The following RFPL2 variants were observed in gnomAD, a reference collection of about 807,000 sequenced individuals.
RFPL2 encodes ret finger protein like 2.
Under a neutral mutation model 17.8 loss-of-function variants are expected in RFPL2, and 13 were observed. That is an observed-to-expected ratio of 0.73 (90% CI 0.47 to 1.16). The LOEUF (loss-of-function observed/expected upper bound fraction) is 1.16. Ranked by LOEUF, RFPL2 falls within the 50% of genes most tolerant of loss-of-function variation. The pLI is 0.00. For missense variants in RFPL2, 431 were observed against 479.3 expected, an observed-to-expected ratio of 0.90 and a Z score of 0.94; for synonymous variants, 189 against 180.9, an observed-to-expected ratio of 1.04 and a Z score of -0.36.
intron 2 of RFPL2, among the ~76,000 whole-genome samples, chr22:32,200,467 G>A (rs1174589537): frequency 6.6e-6 from 1 of 152,138 alleles, no homozygotes; most frequent in Non-Finnish European, 1.5e-5. Flanking sequence ...GGCACCCAGT[G>A]GGATAGTAGC....
At chr22:32,201,372 A>G (rs139372919) in intron 2 of RFPL2, among the ~76,000 whole-genome samples, 24 of 152,268 alleles carry the variant, frequency 1.6e-4, no homozygotes, top group African/African-American at 5.3e-4. Flanking sequence ...TATGCAAAGC[A>G]TTTGGTCAAG....
chr22:32,196,579 A>C (rs577459646), intron 2 of RFPL2, among the ~76,000 whole-genome samples: 22 of 152,344 alleles, frequency 1.4e-4, no homozygotes, highest in African/African-American at 5.3e-4. Flanking sequence ...CCACATCCAC[A>C]TGTAAAGACA....
chr22:32,191,312 G>C lies in RFPL2; in HGVS notation c.597C>G (p.Leu199=). Residue 199 remains leucine, a synonymous_variant, in exon 5 of 5, where the codon CTC becomes CTG. Coordinates refer to ENST00000652607, the MANE Select transcript of RFPL2 (RefSeq NM_001394555.1). ...TLDANTANNF[L]LISDDLRSVR... ...CGCTCCTGAGGTCGTCAGAAATGAG[G>C]AGGAAGTTGTTGGCTGTGTTGGCAT... The C allele has an allele frequency of 6.2e-7, 1 of 1,613,796 alleles. No homozygotes were observed. Among genetic ancestry groups the C allele is most frequent in the Non-Finnish European group, 8.5e-7 (1 of 1,179,706 alleles).
rs1040151468 is a variant in RFPL2 at position 32,204,913 on chromosome 22, A to G, written c.-306T>C. On this transcript the variant is annotated 5_prime_UTR_variant, in exon 1 of 5. Coordinates refer to ENST00000652607, the MANE Select transcript of RFPL2 (RefSeq NM_001394555.1). Reference sequence around the variant, plus strand: ...AAGTCTTAGGATAACCAATCAGAACAAGATAACAAAGCCCGATCAGAGTAG... The same window carrying G: ...AAGTCTTAGGATAACCAATCAGAACGAGATAACAAAGCCCGATCAGAGTAG... 6.6e-6 allele frequency among the ~76,000 whole-genome samples: 1 copy of G among 152,266 alleles called. No individual in the cohort carries two copies.
intron 2 of RFPL2, 127 bp downstream of exon 2, chr22:32,202,206 C>G: frequency 8.4e-7 from 1 of 1,196,274 alleles, no homozygotes; most frequent in African/African-American, 1.5e-5. Flanking sequence ...CCCTGGACTC[C>G]CCTCTCCTTC....
intron 4 of RFPL2, among the ~76,000 whole-genome samples, 194 bp from the exon 5 acceptor site, chr22:32,191,546 C>T (rs1603200198): frequency 6.6e-6 from 1 of 152,240 alleles, no homozygotes; most frequent in East Asian, 1.9e-4. Flanking sequence ...AATACCTGAC[C>T]CTTATTCACA....
chr22:32,190,744 C>T lies in RFPL2; in HGVS notation c.*28G>A, dbSNP rs779669396. 1 of 1,500,378 alleles carries T rather than the reference C, an allele frequency of 6.7e-7. No homozygotes were observed. The highest frequency in any genetic ancestry group is 2.4e-5 in the Admixed American group (1 of 42,384). The allele number at this position is 1,500,378 out of a possible 1,614,324, so 92.9% of individuals were successfully genotyped here. On this transcript the variant is annotated 3_prime_UTR_variant, in exon 5 of 5. Transcript: ENST00000652607. ...TACCCACCCAAGTAATTTTCTTACC[C>T]TGTTTTTTGTTTTTTTGGAGTGAGG...
chr22:32,193,119 G>A lies in RFPL2; in HGVS notation c.339C>T (p.Ser113=). The change falls in exon 4 of 5, where the codon TCC becomes TCT. Residue 113 remains serine (S), a synonymous_variant. Transcript: ENST00000652607. The stretch of plus-strand genomic sequence containing the variant: ...GGCAGACGGCGCATCCACACTCCAG[G>A]GACATTGGTTTTTCCAGATAGTCTG... ...VCSDYLEKPM[S]LECGCAVCLK... 6.2e-7 allele frequency: 1 copy of A among 1,613,938 alleles called. No individual in the cohort carries two copies. The highest frequency in any genetic ancestry group is 8.5e-7 in the Non-Finnish European group (1 of 1,179,846).
intron 1 of RFPL2, chr22:32,203,519 G>C (rs1348958799): frequency 6.6e-6 from 1 of 151,696 alleles, no homozygotes; most frequent in Non-Finnish European, 1.5e-5. Flanking sequence ...TGCAACCCCA[G>C]ATAGCGCACC....
intron 2 of RFPL2, chr22:32,200,167 A>T (rs1603209349): frequency 2.6e-6 from 1 of 381,676 alleles, no homozygotes; most frequent in Admixed American, 3.8e-5. Flanking sequence ...CGCAGCAGCT[A>T]CAGCTGCCGG....
chr22:32,198,990 G>C (rs1923645772), intron 2 of RFPL2, among the ~76,000 whole-genome samples: 1 of 152,214 alleles, frequency 6.6e-6, no homozygotes, highest in Non-Finnish European at 1.5e-5. Flanking sequence ...GCTTGAGGGA[G>C]TGACCACCTG....
intron 3 of RFPL2, among the ~76,000 whole-genome samples, chr22:32,193,986 A>C (rs1923035051): frequency 6.6e-6 from 1 of 152,218 alleles, no homozygotes; most frequent in South Asian, 2.1e-4. Flanking sequence ...CAGTCTGGGC[A>C]ACACAGGAAG....
At position 32,202,415 on chromosome 22, in the gene RFPL2, C is replaced by A. The variant is rs754844445; in HGVS notation, c.37G>T (p.Val13Leu). 2 of 1,602,468 alleles carry A rather than the reference C, an allele frequency of 1.2e-6. No individual in the cohort carries two copies. The highest frequency in any genetic ancestry group is 4.5e-5 in the East Asian group (2 of 44,570). Reference sequence around the variant, plus strand: ...CATAGACAGATCCTGGATTGGGACACTGCAGTCTCTGGGAAGCCTAATTCA... The same window carrying A: ...CATAGACAGATCCTGGATTGGGACAATGCAGTCTCTGGGAAGCCTAATTCA... ...VAELGFPETA[V>L]SQSRICLCAV... Residue 13 changes from valine (V) to leucine (L), a missense_variant, in exon 2 of 5, where the codon GTG becomes TTG. Transcript: ENST00000652607.
At chr22:32,202,889 C>T in intron 1 of RFPL2, 1 of 1,008,366 alleles carries the variant, frequency 9.9e-7, no homozygotes, top group South Asian at 4.3e-5. Flanking sequence ...CTCCTCGTGT[C>T]CACTACTGCG....
At chr22:32,202,637 T>C in intron 1 of RFPL2, 87 bp from the exon 2 acceptor site, 1 of 1,418,354 alleles carries the variant, frequency 7.1e-7, no homozygotes, top group Non-Finnish European at 9.2e-7. Context: ...GCGAAGGTAC[T>C]CACACCCACA....
In RFPL2 at chr22:32,191,031, G is replaced by A. The variant is rs762730521; in HGVS notation, c.878C>T (p.Pro293Leu). The change falls in exon 5 of 5, where the codon CCG (proline) becomes CTG (leucine). Residue 293 changes from proline (P) to leucine (L), a missense_variant. By Grantham distance (98) the Pro-to-Leu change is moderately conservative (BLOSUM62 -3). Transcript: ENST00000652607. Reference sequence around the variant, plus strand: ...GCGGTCTACGAAGAGGAAAGTCAGCGGCACCGTGGTGGCAGAGAGGCGGCC... The same window carrying A: ...GCGGTCTACGAAGAGGAAAGTCAGCAGCACCGTGGTGGCAGAGAGGCGGCC... Reference protein sequence around the residue: ...DGGRLSATTVPLTFLFVDRKL... With the variant: ...DGGRLSATTVLLTFLFVDRKL... 3.7e-6 allele frequency: 6 copies of A among 1,613,716 alleles called. No homozygotes were observed. Among genetic ancestry groups the A allele is most frequent in the African/African-American group, 2.7e-5 (2 of 74,860 alleles).
chr22:32,195,137 C>T (rs1923184277), intron 2 of RFPL2, among the ~76,000 whole-genome samples: 1 of 152,162 alleles, frequency 6.6e-6, no homozygotes, highest in African/African-American at 2.4e-5. Context: ...GGGATCTTTA[C>T]TGCTTTGTTT....
intron 1 of RFPL2, among the ~76,000 whole-genome samples, chr22:32,203,960 C>T (rs1296523568): frequency 2.6e-5 from 4 of 151,220 alleles, no homozygotes; most frequent in South Asian, 2.1e-4. Context: ...ATCTCCCCCT[C>T]GCCTCGGGCA....
chr22:32,201,416 T>C lies in RFPL2; in HGVS notation c.119+917A>G, dbSNP rs564342114. ...GTTTTCTCAATGTTGAAGCCAGGCA[T>C]GTTTTCACAACTAAAAGCGAGGACC... On this transcript the variant is annotated intron_variant, in intron 2 of 4. Transcript: ENST00000652607. Among the ~76,000 whole-genome samples the C allele has an allele frequency of 8.5e-5, 13 of 152,330 alleles. No homozygotes were observed. The East Asian group carries it at 2.3e-3, about 27-fold the overall frequency.
Sources: gnomAD v4.1 joint callset for allele counts (sites outside exome capture counted in the v4.1 genomes callset) on GRCh38, gnomAD v4.1.1 for gene constraint, MANE v1.5 for transcripts, NCBI Gene and HGNC (gene_info 2026-07-23, HGNC 2026-07-21) for gene names.